WLS: variants seen among roughly 807,000 people sequenced by gnomAD.
WLS encodes protein wntless homolog.
In WLS, 23 loss-of-function variants were observed where a neutral mutation model predicts 62.8. The ratio of observed to expected loss-of-function variants is 0.37; its 90% CI spans 0.26 to 0.52. The LOEUF (loss-of-function observed/expected upper bound fraction) is 0.52, where lower values mean the gene tolerates loss of function less well. Ranked by LOEUF, WLS falls within the 20% of genes least tolerant of loss-of-function variation. The pLI is 0.92. For missense variants in WLS, 615 were observed against 697.3 expected (o/e 0.88, Z 1.33); for synonymous variants, 246 against 244.1 (o/e 1.01, Z -0.07).
downstream of WLS, among the ~76,000 whole-genome samples, chr1:68,125,051 T>C (rs12092498): frequency 0.63 from 95,554 of 151,950 alleles, 30,605 homozygotes; most frequent in Middle Eastern, 0.72. Context: ...CTCTCGGCTA[T>C]CTCCAGTGCA....
At chr1:68,118,875 C>CA (rs33982774) in intron 11 of WLS, among the ~76,000 whole-genome samples, 2,013 of 26,324 alleles carry the variant, frequency 0.076, 483 homozygotes, top group Non-Finnish European at 0.099. Flanking sequence ...GACTCTGTCT[C>CA]AAAAAAAAAA....
chr1:68,127,673 A>C (rs915788933), intron 11 of WLS, among the ~76,000 whole-genome samples: 2 of 152,200 alleles, frequency 1.3e-5, no homozygotes, highest in Non-Finnish European at 2.9e-5. Flanking sequence ...TGCACATATC[A>C]TATGATAAGT....
chr1:68,124,471 G>A (rs143477354), downstream of WLS, among the ~76,000 whole-genome samples: 8 of 152,210 alleles, frequency 5.3e-5, no homozygotes, highest in South Asian at 4.2e-4. Context: ...CCCTTTGCCC[G>A]TTGGCTCTGG....
At chr1:68,098,809 T>C in intron 11 of WLS, 2 of 1,575,532 alleles carry the variant, frequency 1.3e-6, no homozygotes, top group Non-Finnish European at 1.7e-6. Flanking sequence ...AAAAAATATG[T>C]AACATGGAGT....
chr1:68,100,256 G>C lies in WLS; in HGVS notation c.1511-1503C>G, dbSNP rs917114194. On this transcript the variant is annotated intron_variant, in intron 11 of 11. Transcript: ENST00000354777. ...AGTTAGTTGAGGATCCTGGTCCCCTGGTTCTTTTCTGCTGCTCTTGCCAAT... is the reference window on the plus strand; with the variant it reads ...AGTTAGTTGAGGATCCTGGTCCCCTCGTTCTTTTCTGCTGCTCTTGCCAAT... 9.9e-5 allele frequency among the ~76,000 whole-genome samples: 15 copies of C among 152,188 alleles called. 1 individual carries two copies. The highest frequency in any genetic ancestry group is 6.5e-4 in the Admixed American group (10 of 15,280).
chr1:68,206,966 C>G (rs1649306246), intron 1 of WLS, among the ~76,000 whole-genome samples: 1 of 152,162 alleles, frequency 6.6e-6, no homozygotes, highest in South Asian at 2.1e-4. Context: ...ATTTTCACAT[C>G]TGTTAGAAGA....
chr1:68,100,860 A>G (rs1420703000), intron 11 of WLS: 1 of 152,244 alleles, frequency 6.6e-6, no homozygotes, highest in Non-Finnish European at 1.5e-5. Context: ...TCTAGCAGTT[A>G]AACAAGCACT....
chr1:68,151,685 G>C (rs1159133967), intron 5 of WLS, among the ~76,000 whole-genome samples: 1 of 152,160 alleles, frequency 6.6e-6, no homozygotes, highest in African/African-American at 2.4e-5. Flanking sequence ...AGATCAGCAG[G>C]TGTGAAGGCC....
intron 2 of WLS, chr1:68,162,192 C>T (rs991294957): frequency 3.8e-5 from 55 of 1,433,106 alleles, no homozygotes; most frequent in Admixed American, 3.7e-4. Context: ...TAAAGGGCTC[C>T]GACTCACGCA....
chr1:68,224,283 G>C (rs945554207), intron 1 of WLS, among the ~76,000 whole-genome samples: 11 of 152,134 alleles, frequency 7.2e-5, no homozygotes, highest in Admixed American at 1.3e-4. Context: ...GCTCAGTTTT[G>C]GGGGATTGGG....
At chr1:68,099,612 C>T (rs536571547) in intron 11 of WLS, 5 of 152,282 alleles carry the variant, frequency 3.3e-5, no homozygotes, top group African/African-American at 7.2e-5. Flanking sequence ...CTCCCATATA[C>T]TTTAAATAAT....
chr1:68,228,087 A>G (rs1650241140), intron 1 of WLS: 6 of 253,524 alleles, frequency 2.4e-5, no homozygotes, highest in South Asian at 2.3e-4. Context: ...ATATGTGTGT[A>G]TGTTATATCT....
intron 11 of WLS, chr1:68,102,847 G>A (rs1473008024): frequency 6.6e-6 from 1 of 152,400 alleles, no homozygotes; most frequent in African/African-American, 2.4e-5. Flanking sequence ...CTGGCAGCTG[G>A]AGGAGTGGGC....
At chr1:68,197,803 G>T (rs1217744878) in intron 1 of WLS, among the ~76,000 whole-genome samples, 2 of 152,126 alleles carry the variant, frequency 1.3e-5, no homozygotes, top group Non-Finnish European at 2.9e-5. Flanking sequence ...ATCAAAAAAA[G>T]TTTGATCTGT....
chr1:68,112,266 C>T (rs1646237504), intron 11 of WLS, among the ~76,000 whole-genome samples: 4 of 152,198 alleles, frequency 2.6e-5, no homozygotes, highest in African/African-American at 9.7e-5. Context: ...AGTGCACTAG[C>T]TGTACAACAG....
intron 11 of WLS, among the ~76,000 whole-genome samples, chr1:68,113,639 G>A (rs1020882839): frequency 3.9e-5 from 6 of 152,116 alleles, no homozygotes; most frequent in African/African-American, 9.7e-5. Flanking sequence ...AAATATTGCC[G>A]CAAGCCTCAC....
At position 68,187,524 on chromosome 1, in the gene WLS, C is replaced by G. The variant is rs181452121; in HGVS notation, c.379+6431G>C. Among the ~76,000 whole-genome samples the G allele has an allele frequency of 3.3e-5, 5 of 152,098 alleles. No individual in the cohort carries two copies. In the East Asian group the frequency reaches 9.7e-4, roughly 29 times the overall value. The stretch of plus-strand genomic sequence containing the variant: ...TATATAGAAATGTTTTAAAGCTTTG[C>G]CAACATGGGCATTTTTGTTGTTTAG... On this transcript the variant is annotated intron_variant, in intron 2 of 11. Coordinates refer to ENST00000262348, the MANE Select transcript of WLS (RefSeq NM_024911.7).
intron 2 of WLS, among the ~76,000 whole-genome samples, chr1:68,172,344 G>C (rs2765871): frequency 0.9 from 135,990 of 151,440 alleles, 61,332 homozygotes; most frequent in Middle Eastern, 0.99. Flanking sequence ...AGTTCCAAAT[G>C]CTGTATATAA....
chr1:68,214,485 C>T (rs555641263), intron 1 of WLS, among the ~76,000 whole-genome samples: 1 of 152,152 alleles, frequency 6.6e-6, no homozygotes, highest in East Asian at 1.9e-4. Context: ...CTGCCTCAGC[C>T]TCCCAAGTAG....
Sources: allele counts gnomAD v4.1 joint callset (sites outside exome capture counted in the v4.1 genomes callset), GRCh38; gene constraint gnomAD v4.1.1; transcripts MANE v1.5; gene names NCBI Gene and HGNC (gene_info 2026-07-23, HGNC 2026-07-21).